Variants in PPP2R3B observed in about 807,000 individuals in gnomAD.
PPP2R3B encodes the protein serine/threonine-protein phosphatase 2A regulatory subunit B'' subunit beta.
PPP2R3B carries 68 observed loss-of-function variants against 72.9 expected under a neutral mutation model. The ratio of observed to expected loss-of-function variants is 0.93; its 90% confidence interval spans 0.77 to 1.14. PPP2R3B has a LOEUF of 1.14. Among genes scored for constraint, PPP2R3B ranks in the 50% most tolerant of loss-of-function variants. The pLI is 0.00. For missense variants in PPP2R3B, 1,018 were observed against 842.0 expected (o/e 1.21, Z -2.59); for synonymous variants, 466 against 375.8 (o/e 1.24, Z -2.78).
At position 361,473 on chromosome X, in the gene PPP2R3B, T is replaced by C; in HGVS notation, c.442A>G (p.Ile148Val). The C allele has an allele frequency of 6.2e-7, 1 of 1,613,980 alleles. No individual in the cohort carries two copies. Among genetic ancestry groups the C allele is most frequent in the Non-Finnish European group, 8.5e-7 (1 of 1,179,868 alleles). Residue 148 changes from isoleucine to valine, a missense_variant, in exon 2 of 13, where the codon ATC becomes GTC. Physicochemically the swap from Ile to Val is conservative, Grantham distance 29 (BLOSUM62 3). Transcript: ENST00000390665. Reference sequence around the variant, plus strand: ...GGGAACCGGGCGAAGGTGCTCTCGATCTTGCTGATGACGGCATCCACGTTG... The same window carrying C: ...GGGAACCGGGCGAAGGTGCTCTCGACCTTGCTGATGACGGCATCCACGTTG... ...SVNVDAVISK[I>V]ESTFARFPHE... is the part of the protein sequence containing the mutation.
chrX:335,734 A>G (rs1293397703), intron 12 of PPP2R3B: 4 of 152,224 alleles, frequency 2.6e-5, no homozygotes, highest in Non-Finnish European at 4.4e-5. Flanking sequence ...CCCTCGCCTC[A>G]CTGATCACAC....
intron 2 of PPP2R3B, among the ~76,000 whole-genome samples, chrX:356,050 G>A (rs551708572): frequency 5.1e-4 from 78 of 152,270 alleles, no homozygotes; most frequent in Middle Eastern, 3.4e-3. Flanking sequence ...AAACACGTAA[G>A]GTGGTCAACA....
At chrX:380,384 G>C (rs1238390685) in intron 1 of PPP2R3B, among the ~76,000 whole-genome samples, 1 of 152,136 alleles carries the variant, frequency 6.6e-6, no homozygotes, top group African/African-American at 2.4e-5. Context: ...AATTTAAAAA[G>C]CAAACACACG....
At chrX:341,515 C>A in intron 8 of PPP2R3B, 119 bp from the exon 9 acceptor site, 1 of 1,047,836 alleles carries the variant, frequency 9.5e-7, no homozygotes, top group Non-Finnish European at 1.5e-6. Context: ...CCTCCTCCTG[C>A]CCCCCTCCTG....
At chrX:380,938 C>CTT (rs774073061) in intron 1 of PPP2R3B, among the ~76,000 whole-genome samples, 6 of 138,212 alleles carry the variant, frequency 4.3e-5, no homozygotes, top group South Asian at 2.7e-4. Context: ...CGTTTTCTTT[C>CTT]TTTTTTTTTT....
chrX:356,843 G>A (rs1390657935), intron 2 of PPP2R3B, among the ~76,000 whole-genome samples: 5,723 of 89,616 alleles, frequency 0.064, 162 homozygotes, highest in African/African-American at 0.15. Flanking sequence ...CGGTAACCAC[G>A]CCTTGGCCAG....
In PPP2R3B at chrX:386,832, G is replaced by A; in HGVS notation, c.-141C>T. ...GCGCAGGGAACAGGGCCCGCGCCTCGGGAACTGCGCGGACTCGCGGGGCGC... is the reference window on the plus strand; with the variant it reads ...GCGCAGGGAACAGGGCCCGCGCCTCAGGAACTGCGCGGACTCGCGGGGCGC... On this transcript the variant is annotated 5_prime_UTR_variant, in exon 1 of 13. Transcript: ENST00000390665. 2.8e-6 allele frequency: 1 copy of A among 361,016 alleles called. No individual in the cohort carries two copies. Among genetic ancestry groups the A allele is most frequent in the Non-Finnish European group, 4.2e-6 (1 of 235,516 alleles). 22.4% of individuals were successfully genotyped at this position (361,016 alleles called of 1,614,324 possible). A position where few individuals can be genotyped will look rare whatever the true frequency, so the allele number is the denominator to read the frequency against.
At chrX:383,045 G>A (rs1052103165) in intron 1 of PPP2R3B, among the ~76,000 whole-genome samples, 14 of 152,244 alleles carry the variant, frequency 9.2e-5, no homozygotes, top group Middle Eastern at 3.4e-3. Context: ...GCACTGGGCC[G>A]GAGCTCAAGA....
At chrX:363,498 ATGCATCTCCCCGAGCCCGCGATCCCGCAG>A (rs2071598141) in intron 1 of PPP2R3B, among the ~76,000 whole-genome samples, 6 of 3,846 alleles carry the variant, frequency 1.6e-3, no homozygotes, top group South Asian at 5.2e-3. Context: ...GCATCCCACA[ATGCATCTCCCCGAGCCCGCGATCCCGCAG>A]TGCATCTCCC....
rs765935611 is a variant in PPP2R3B, at chrX:334,450, G to A, written c.1645C>T (p.Pro549Ser). The A allele has an allele frequency of 3.8e-6, 6 of 1,595,990 alleles. No homozygotes were observed. The highest frequency in any genetic ancestry group is 5.1e-6 in the Non-Finnish European group (6 of 1,176,282). ...AGCGGTGAGGGCGCCTCGAAGAAGG[G>A]CCTCTGGGCCAGCGGGGAGCGCAGC... Reference protein sequence around the residue: ...SALRSPLAQRPFFEAPSPLGA... With the variant: ...SALRSPLAQRSFFEAPSPLGA... The change falls in exon 13 of 13, where the codon CCC (proline) becomes TCC (serine). Residue 549 changes from proline (P) to serine (S), a missense_variant. Physicochemically the swap from Pro to Ser is moderately conservative, Grantham distance 74. Coordinates refer to ENST00000390665, the MANE Select transcript of PPP2R3B (RefSeq NM_013239.5).
chrX:370,861 C>T (rs1259157937), intron 1 of PPP2R3B, among the ~76,000 whole-genome samples: 2 of 152,316 alleles, frequency 1.3e-5, no homozygotes, highest in Non-Finnish European at 2.9e-5. Flanking sequence ...CCAAGTACAG[C>T]GGGGCTGCCG....
chrX:350,516 C>G (rs2071307648), intron 2 of PPP2R3B, among the ~76,000 whole-genome samples: 1 of 151,666 alleles, frequency 6.6e-6, no homozygotes, highest in Non-Finnish European at 1.5e-5. Flanking sequence ...TTTTAAGCAT[C>G]AGTGAGAAAG....
chrX:379,390 CTATG>C (rs2072075612), intron 1 of PPP2R3B, among the ~76,000 whole-genome samples: 3 of 147,734 alleles, frequency 2.0e-5, no homozygotes, highest in South Asian at 4.3e-4. Context: ...GTGTATGCAC[CTATG>C]TGTGTATGCA....
intron 2 of PPP2R3B, among the ~76,000 whole-genome samples, chrX:352,164 G>A (rs1384310064): frequency 2.0e-5 from 3 of 152,246 alleles, no homozygotes; most frequent in African/African-American, 7.2e-5. Flanking sequence ...AGATACAAAG[G>A]AAAGCAGTTT....
At position 347,654 on chromosome X, in the gene PPP2R3B, A is replaced by G. The variant is rs746036797; in HGVS notation, c.550T>C (p.Tyr184His). The G allele has an allele frequency of 5.7e-6, 9 of 1,567,886 alleles. No homozygotes were observed. The highest frequency in any genetic ancestry group is 2.1e-4 in the Middle Eastern group (1 of 4,730). ...CCCGTGCGCTCCCCGCCGGCGCCAT[A>G]GAAGAGCGGCCCCTTCCAGTAGAGG... ...CPLYWKGPLF[Y>H]GAGGERTGSV... The change falls in exon 3 of 13, where the codon TAT (tyrosine) becomes CAT (histidine). Residue 184 changes from tyrosine to histidine, a missense_variant. Physicochemically the swap from Tyr to His is moderately conservative, Grantham distance 83 (BLOSUM62 2). Coordinates refer to ENST00000390665, the MANE Select transcript of PPP2R3B (RefSeq NM_013239.5).
intron 12 of PPP2R3B, chrX:337,680 G>A (rs1421752560): frequency 6.6e-6 from 1 of 152,338 alleles, no homozygotes; most frequent in African/African-American, 2.4e-5. Flanking sequence ...GTTCCACACG[G>A]CGCCCAAGTC....
At chrX:378,279 A>G (rs748569079) in intron 1 of PPP2R3B, among the ~76,000 whole-genome samples, 187 of 152,332 alleles carry the variant, frequency 1.2e-3, no homozygotes, top group African/African-American at 4.1e-3. Context: ...AAAGGCTCCT[A>G]AAATGCCCAG....
At chrX:342,053 A>C in intron 7 of PPP2R3B, 122 bp from the exon 8 acceptor site, 1 of 1,317,096 alleles carries the variant, frequency 7.6e-7, no homozygotes, top group South Asian at 1.2e-5. Flanking sequence ...TGGGTCTGGG[A>C]GAGCCCCGGG....
At chrX:346,845 C>G (rs28707751) in intron 4 of PPP2R3B, 70 bp from the exon 5 acceptor site, 1 of 1,395,718 alleles carries the variant, frequency 7.2e-7, no homozygotes, top group South Asian at 1.2e-5. Flanking sequence ...GGTGTGGACG[C>G]TGCAGACGCG....
Sources: gnomAD v4.1 joint callset for allele counts (sites outside exome capture counted in the v4.1 genomes callset) on GRCh38, gnomAD v4.1.1 for gene constraint, MANE v1.5 for transcripts, NCBI Gene and HGNC (gene_info 2026-07-23, HGNC 2026-07-21) for gene names.